The following SEMA5A variants were observed in gnomAD, a reference collection of about 807,000 sequenced individuals.
The protein encoded by SEMA5A is semaphorin-5A.
SEMA5A carries 55 observed loss-of-function variants against 135.5 expected under a neutral mutation model. The ratio of observed to expected loss-of-function variants is 0.41; its 90% confidence interval spans 0.33 to 0.51. The LOEUF (loss-of-function observed/expected upper bound fraction) is 0.51, where lower values mean the gene tolerates loss of function less well. SEMA5A is among the 20% of genes least tolerant of loss of function. SEMA5A has a pLI of 0.37. For synonymous variants in SEMA5A, 580 were observed against 546.5 expected, an observed-to-expected ratio of 1.06 and a Z score of -0.85; for missense variants, 1,290 against 1,419.9, an observed-to-expected ratio of 0.91 and a Z score of 1.47.
intron 2 of SEMA5A, among the ~76,000 whole-genome samples, chr5:9,385,306 G>A (rs1438214315): frequency 6.6e-6 from 1 of 151,758 alleles, no homozygotes; most frequent in Non-Finnish European, 1.5e-5. Context: ...CTCCTTTTAG[G>A]AAAAAAAATT....
intron 2 of SEMA5A, among the ~76,000 whole-genome samples, chr5:9,413,231 G>A (rs961374226): frequency 6.6e-6 from 1 of 152,100 alleles, no homozygotes; most frequent in Non-Finnish European, 1.5e-5. Flanking sequence ...TCATGGGAAT[G>A]GTTTACAGGA....
At chr5:9,324,325 C>T (rs1365246996) in intron 4 of SEMA5A, among the ~76,000 whole-genome samples, 15 of 152,134 alleles carry the variant, frequency 9.9e-5, no homozygotes, top group Admixed American at 9.8e-4. Context: ...ACATCAGCCT[C>T]CCAAAGTGCT....
At chr5:9,054,744 G>A (rs989782478) in intron 18 of SEMA5A, among the ~76,000 whole-genome samples, 1 of 152,142 alleles carries the variant, frequency 6.6e-6, no homozygotes, top group African/African-American at 2.4e-5. Context: ...ATTGGATTAT[G>A]GTTTACTCCC....
chr5:9,329,871 C>A (rs1023906471), intron 4 of SEMA5A, among the ~76,000 whole-genome samples: 1 of 152,180 alleles, frequency 6.6e-6, no homozygotes, highest in Admixed American at 6.5e-5. Flanking sequence ...AACCTATGCA[C>A]ATCTTCCCAT....
At chr5:9,221,566 T>G (rs1298077819) in intron 8 of SEMA5A, among the ~76,000 whole-genome samples, 1 of 152,208 alleles carries the variant, frequency 6.6e-6, no homozygotes, top group Admixed American at 6.5e-5. Flanking sequence ...CCTCCCAAAG[T>G]GCTGGGATTA....
chr5:9,123,258 CAAAAAAAAAAAA>C (rs57533658), intron 13 of SEMA5A, among the ~76,000 whole-genome samples: 48 of 38,932 alleles, frequency 1.2e-3, no homozygotes, highest in East Asian at 3.5e-3. Flanking sequence ...GACTCCGCCT[CAAAAAAAAAAAA>C]AAAAAAAAAA....
intron 1 of SEMA5A, among the ~76,000 whole-genome samples, chr5:9,500,284 A>C (rs1339988158): frequency 6.6e-6 from 1 of 152,218 alleles, no homozygotes; most frequent in African/African-American, 2.4e-5. Flanking sequence ...TCATAAATTC[A>C]CTACATATTG....
At chr5:9,348,554 T>G (rs979063543) in intron 3 of SEMA5A, among the ~76,000 whole-genome samples, 2 of 152,184 alleles carry the variant, frequency 1.3e-5, no homozygotes, top group African/African-American at 4.8e-5. Flanking sequence ...GGGTTTTCAT[T>G]TTGACTCCTG....
chr5:9,145,122 T>C (rs1742262967), intron 12 of SEMA5A, among the ~76,000 whole-genome samples: 1 of 152,072 alleles, frequency 6.6e-6, no homozygotes, highest in Admixed American at 6.5e-5. Flanking sequence ...GCCTTCAACA[T>C]AGTGTGCAGA....
Position 9,172,771 on chromosome 5 carries a change from C to T in SEMA5A, c.1273+17496G>A, listed in dbSNP as rs141032105. ...GAGAACAATTCTTAATACATATTTTCTGGTTATAAGAAAGAAATCTTCAGT... is the reference window on the plus strand; with the variant it reads ...GAGAACAATTCTTAATACATATTTTTTGGTTATAAGAAAGAAATCTTCAGT... On this transcript the variant is annotated intron_variant, in intron 11 of 22. Coordinates refer to ENST00000382496, the MANE Select transcript of SEMA5A (RefSeq NM_003966.3). Among the ~76,000 whole-genome samples, 470 of 152,242 alleles carry T rather than the reference C, an allele frequency of 3.1e-3. 2 individuals are homozygous for T. Among genetic ancestry groups the T allele is most frequent in the Middle Eastern group, 0.01 (3 of 294 alleles).
intron 5 of SEMA5A, among the ~76,000 whole-genome samples, chr5:9,244,989 AG>A (rs1301093722): frequency 6.6e-6 from 1 of 152,212 alleles, no homozygotes; most frequent in Admixed American, 6.5e-5. Flanking sequence ...CGTTTTTTTA[AG>A]TAACATCTTC....
chr5:9,265,603 A>T (rs1297552190), intron 5 of SEMA5A: 1 of 453,516 alleles, frequency 2.2e-6, no homozygotes, highest in Non-Finnish European at 4.4e-6. Context: ...CTGGCGTCCC[A>T]TGTTCAGCTA....
intron 2 of SEMA5A, among the ~76,000 whole-genome samples, chr5:9,414,553 T>C (rs894487457): frequency 2.0e-5 from 3 of 152,222 alleles, no homozygotes; most frequent in African/African-American, 7.2e-5. Flanking sequence ...GCTTCTGCTT[T>C]CTACCAGTCA....
intron 12 of SEMA5A, among the ~76,000 whole-genome samples, chr5:9,137,916 A>G (rs1333335622): frequency 6.6e-6 from 1 of 152,238 alleles, no homozygotes; most frequent in African/African-American, 2.4e-5. Flanking sequence ...CAGTACCTCA[A>G]TTAGGCACTA....
chr5:9,249,095 T>C (rs1304993282), intron 5 of SEMA5A, among the ~76,000 whole-genome samples: 6 of 152,216 alleles, frequency 3.9e-5, no homozygotes, highest in African/African-American at 1.4e-4. Flanking sequence ...GCCAGGCCCA[T>C]TGTACGAAAT....
chr5:9,125,877 C>G (rs1487009290), intron 13 of SEMA5A, among the ~76,000 whole-genome samples: 1 of 152,094 alleles, frequency 6.6e-6, no homozygotes, highest in Non-Finnish European at 1.5e-5. Flanking sequence ...TTTATCAGCC[C>G]TCCCTCTTGT....
chr5:9,277,798 C>T (rs776554077), intron 5 of SEMA5A, among the ~76,000 whole-genome samples: 59 of 151,954 alleles, frequency 3.9e-4, no homozygotes, highest in African/African-American at 8.4e-4. Flanking sequence ...GGGAATATCA[C>T]GCACTGTCAG....
intron 5 of SEMA5A, among the ~76,000 whole-genome samples, chr5:9,304,073 T>C (rs1751743688): frequency 6.6e-6 from 1 of 152,134 alleles, no homozygotes. Flanking sequence ...CCACCAAAAT[T>C]TGTTGTTTTC....
At chr5:9,059,884 A>G (rs11742324) in intron 18 of SEMA5A, among the ~76,000 whole-genome samples, 16,946 of 152,248 alleles carry the variant, frequency 0.11, 1,166 homozygotes, top group African/African-American at 0.18. Flanking sequence ...ATGAGGAAAC[A>G]TATTTTTAAA....
Sources: gnomAD v4.1 joint callset for allele counts (sites outside exome capture counted in the v4.1 genomes callset) on GRCh38, gnomAD v4.1.1 for gene constraint, MANE v1.5 for transcripts, NCBI Gene and HGNC (gene_info 2026-07-23, HGNC 2026-07-21) for gene names.